Variants in LIPC observed in about 807,000 individuals in gnomAD.
The protein encoded by LIPC is lipase C, hepatic type.
Under a neutral mutation model 50.7 loss-of-function variants are expected in LIPC, and 44 were observed. That is an observed-to-expected ratio of 0.87 (90% CI 0.68 to 1.11). LIPC has a LOEUF of 1.11. LIPC is among the 50% of genes most tolerant of loss of function. The pLI, the probability that LIPC is intolerant of heterozygous loss-of-function variation, is 0.00. For synonymous variants in LIPC, 271 were observed against 256.4 expected (o/e 1.06, Z -0.54); for missense variants, 697 against 648.2 (o/e 1.08, Z -0.82).
At chr15:58,535,729 G>C (rs1234403363) in intron 1 of LIPC, among the ~76,000 whole-genome samples, 1 of 152,198 alleles carries the variant, frequency 6.6e-6, no homozygotes, top group African/African-American at 2.4e-5. Context: ...GTCAGGCATT[G>C]TTCTGAGCTC....
chr15:58,526,355 G>C (rs1892799536), intron 1 of LIPC, among the ~76,000 whole-genome samples: 1 of 152,224 alleles, frequency 6.6e-6, no homozygotes, highest in South Asian at 2.1e-4. Flanking sequence ...AGCAGAGAGT[G>C]TTAACCGGTA....
At chr15:58,488,389 T>C (rs1323390449) in intron 1 of LIPC, among the ~76,000 whole-genome samples, 1 of 152,216 alleles carries the variant, frequency 6.6e-6, no homozygotes, top group Non-Finnish European at 1.5e-5. Context: ...TTTCCTTATC[T>C]ACGCCATTCA....
chr15:58,446,074 A>G (rs1278448883), intron 1 of LIPC, among the ~76,000 whole-genome samples: 2 of 152,230 alleles, frequency 1.3e-5, no homozygotes, highest in Non-Finnish European at 2.9e-5. Context: ...GCATATTTAT[A>G]TGTGTGTGAC....
intron 1 of LIPC, among the ~76,000 whole-genome samples, chr15:58,452,922 C>T (rs1326181316): frequency 6.6e-6 from 1 of 152,176 alleles, no homozygotes; most frequent in East Asian, 1.9e-4. Flanking sequence ...GTGGCCTTGG[C>T]CTGTGAAGAT....
chr15:58,518,051 C>T (rs995597048), intron 1 of LIPC, among the ~76,000 whole-genome samples: 66 of 152,132 alleles, frequency 4.3e-4, no homozygotes, highest in African/African-American at 1.4e-3. Flanking sequence ...CTGTGTTGAC[C>T]CTAGACCAGG....
chr15:58,518,584 C>T (rs147121968), intron 1 of LIPC, among the ~76,000 whole-genome samples: 122 of 152,296 alleles, frequency 8.0e-4, no homozygotes, highest in Middle Eastern at 3.4e-3. Context: ...TCCAAGGAAA[C>T]ATTTCTGGAA....
intron 1 of LIPC, among the ~76,000 whole-genome samples, chr15:58,497,122 A>T (rs1891800624): frequency 6.6e-6 from 1 of 152,254 alleles, no homozygotes. Flanking sequence ...TGAGGAAGAC[A>T]TAATAGGCAG....
intron 1 of LIPC, 131 bp from the exon 2 acceptor site, chr15:58,538,202 G>T (rs766058062): frequency 4.4e-6 from 4 of 903,656 alleles, no homozygotes; most frequent in Non-Finnish European, 7.3e-6. Context: ...CACAGTTGTG[G>T]CTCATTCTGA....
intron 1 of LIPC, among the ~76,000 whole-genome samples, chr15:58,488,758 C>T (rs1891464863): frequency 6.6e-6 from 1 of 152,154 alleles, no homozygotes. Context: ...AGATGAGCAC[C>T]TTTCTTCCCC....
chr15:58,532,579 G>T (rs1387677319), intron 1 of LIPC, among the ~76,000 whole-genome samples: 1 of 152,196 alleles, frequency 6.6e-6, no homozygotes, highest in Non-Finnish European at 1.5e-5. Context: ...CTTGTGAGGG[G>T]CATAGCAATA....
intron 8 of LIPC, chr15:58,565,794 C>T: frequency 1.0e-6 from 1 of 985,796 alleles, no homozygotes. Context: ...TGCATCAAAC[C>T]CATCCTTAGG....
At chr15:58,441,350 T>C (rs767735523) in intron 1 of LIPC, among the ~76,000 whole-genome samples, 19 of 152,234 alleles carry the variant, frequency 1.2e-4, no homozygotes, top group Non-Finnish European at 2.4e-4. Flanking sequence ...AAATATCTTA[T>C]TCTACATCTG....
At chr15:58,494,178 C>T (rs1219311402) in intron 1 of LIPC, among the ~76,000 whole-genome samples, 1 of 152,188 alleles carries the variant, frequency 6.6e-6, no homozygotes, top group Non-Finnish European at 1.5e-5. Context: ...GAGAGAGAAT[C>T]CCCAGAGAGA....
chr15:58,503,547 A>G (rs7163776), intron 1 of LIPC, among the ~76,000 whole-genome samples: 3,737 of 152,280 alleles, frequency 0.025, 153 homozygotes, highest in African/African-American at 0.084. Context: ...TCAGCACCCT[A>G]CTGGACACAT....
chr15:58,477,401 A>T (rs1299839292), intron 1 of LIPC, among the ~76,000 whole-genome samples: 2 of 152,224 alleles, frequency 1.3e-5, no homozygotes, highest in Non-Finnish European at 2.9e-5. Flanking sequence ...GTTTGACCCC[A>T]ACAGATGAGG....
chr15:58,538,646 C>A, intron 2 of LIPC, 129 bp downstream of exon 2: 1 of 918,764 alleles, frequency 1.1e-6, no homozygotes, highest in South Asian at 1.4e-5. Flanking sequence ...TTATGAAGCA[C>A]GTTCTAATTT....
Position 58,480,980 on chromosome 15 carries a change from G to A in LIPC, c.88+48860G>A, listed in dbSNP as rs116339299. ...TAAACAGCCCCTAGTCAAGAGCATG[G>A]CACACAACAGATGTTCCATAAGCAT... On this transcript the variant is annotated intron_variant, in intron 1 of 8. Transcript: ENST00000299022. Among the ~76,000 whole-genome samples the A allele has an allele frequency of 8.0e-3, 1,224 of 152,254 alleles. 14 individuals carry two copies. Among genetic ancestry groups the A allele is most frequent in the African/African-American group, 0.027 (1,125 of 41,532 alleles).
chr15:58,528,839 T>C (rs1176805307), intron 1 of LIPC, among the ~76,000 whole-genome samples: 3 of 152,248 alleles, frequency 2.0e-5, no homozygotes. Flanking sequence ...GCAGCTGACC[T>C]GGAGGACGGA....
intron 1 of LIPC, among the ~76,000 whole-genome samples, chr15:58,477,073 C>T (rs1211057045): frequency 5.9e-5 from 9 of 152,338 alleles, no homozygotes; most frequent in East Asian, 1.9e-4. Context: ...CTACAAACTC[C>T]TATAGGCGGC....
Sources: gnomAD v4.1 joint callset for allele counts (sites outside exome capture counted in the v4.1 genomes callset) on GRCh38, gnomAD v4.1.1 for gene constraint, MANE v1.5 for transcripts, NCBI Gene and HGNC (gene_info 2026-07-23, HGNC 2026-07-21) for gene names.